NKAIN2: variants seen among roughly 807,000 people sequenced by gnomAD.
NKAIN2 encodes the protein sodium/potassium-transporting ATPase subunit beta-1-interacting protein 2.
A neutral mutation model predicts 32.6 loss-of-function variants in NKAIN2; 14 were observed. The observed-to-expected ratio is 0.43, with a 90% confidence interval of 0.28 to 0.67. The LOEUF is 0.67. Among genes scored for constraint, NKAIN2 ranks in the 30% least tolerant of loss-of-function variants. The probability of loss-of-function intolerance (pLI) is 0.17; values close to 1 mark genes in which losing one functional copy is unlikely to be tolerated. For synonymous variants in NKAIN2, 80 were observed against 87.2 expected (o/e 0.92, Z 0.46); for missense variants, 198 against 258.3 (o/e 0.77, Z 1.60).
chr6:124,574,931 C>T lies in NKAIN2; in HGVS notation c.274-83255C>T, dbSNP rs555984652. Among the ~76,000 whole-genome samples, 13 of 152,274 alleles carry T rather than the reference C, an allele frequency of 8.5e-5. No individual in the cohort carries two copies. In the South Asian group the frequency reaches 2.3e-3, roughly 27 times the overall value. On this transcript the variant is annotated intron_variant, in intron 3 of 6. Transcript: ENST00000368417. ...GGTTATACATTCATTCAGAATATCT[C>T]TCAAAGGCAGAAGGACTAGAATTTT...
chr6:124,155,127 C>CT (rs775669354), intron 1 of NKAIN2, among the ~76,000 whole-genome samples: 27 of 151,940 alleles, frequency 1.8e-4, no homozygotes, highest in Non-Finnish European at 3.7e-4. Flanking sequence ...AATGAGTTTT[C>CT]TTTTTTTATT....
At chr6:124,807,806 C>T (rs1242449890) in intron 5 of NKAIN2, among the ~76,000 whole-genome samples, 2 of 150,694 alleles carry the variant, frequency 1.3e-5, no homozygotes, top group Admixed American at 1.3e-4. Context: ...GGGGATATCA[C>T]CACTGATCCC....
intron 1 of NKAIN2, among the ~76,000 whole-genome samples, chr6:123,892,688 T>G (rs551034770): frequency 6.6e-6 from 1 of 151,888 alleles, no homozygotes; most frequent in Non-Finnish European, 1.5e-5. Flanking sequence ...ACATACTTTT[T>G]AAATATTCAT....
chr6:124,691,208 ACTGGATCACTT>A (rs1209684637), intron 4 of NKAIN2, among the ~76,000 whole-genome samples: 2 of 152,148 alleles, frequency 1.3e-5, no homozygotes, highest in Admixed American at 6.5e-5. Context: ...ATTCAACAAT[ACTGGATCACTT>A]CTGCTAAGAA....
At chr6:123,985,742 G>C (rs529243042) in intron 1 of NKAIN2, among the ~76,000 whole-genome samples, 1 of 152,142 alleles carries the variant, frequency 6.6e-6, no homozygotes, top group Non-Finnish European at 1.5e-5. Context: ...AATTGAGGGT[G>C]CAAGAGTTGC....
At chr6:124,060,831 T>G (rs879400937) in intron 1 of NKAIN2, among the ~76,000 whole-genome samples, 14 of 152,162 alleles carry the variant, frequency 9.2e-5, no homozygotes, top group African/African-American at 3.4e-4. Context: ...CACAATGTTC[T>G]TTCTGTGATA....
intron 1 of NKAIN2, among the ~76,000 whole-genome samples, chr6:124,211,635 A>G (rs145179436): frequency 2.2e-4 from 33 of 152,104 alleles, no homozygotes; most frequent in African/African-American, 7.9e-4. Context: ...GGATTTTGTG[A>G]TGTGTAATAG....
chr6:124,277,414 A>G (rs1795082130), intron 1 of NKAIN2, among the ~76,000 whole-genome samples: 1 of 147,018 alleles, frequency 6.8e-6, no homozygotes, highest in African/African-American at 2.6e-5. Flanking sequence ...CCCTAGTAGT[A>G]TGTGTCTGTG....
chr6:124,351,075 A>G (rs1798704663), intron 2 of NKAIN2, among the ~76,000 whole-genome samples: 1 of 152,238 alleles, frequency 6.6e-6, no homozygotes, highest in Non-Finnish European at 1.5e-5. Flanking sequence ...TATGTGTTGC[A>G]CTAAGTTAGA....
intron 3 of NKAIN2, among the ~76,000 whole-genome samples, chr6:124,595,906 A>T (rs910149229): frequency 6.6e-6 from 1 of 152,140 alleles, no homozygotes; most frequent in Non-Finnish European, 1.5e-5. Flanking sequence ...AGTAAGGCCA[A>T]ACTGATTTGG....
chr6:124,777,783 G>A (rs1287865302), intron 4 of NKAIN2, among the ~76,000 whole-genome samples: 2 of 152,088 alleles, frequency 1.3e-5, no homozygotes, highest in Non-Finnish European at 2.9e-5. Context: ...GAGGAAAGAG[G>A]TGAGGTATAA....
intron 1 of NKAIN2, among the ~76,000 whole-genome samples, chr6:123,808,027 G>A (rs972407156): frequency 2.6e-5 from 4 of 152,084 alleles, no homozygotes; most frequent in African/African-American, 7.2e-5. Context: ...TGTTGTGAGT[G>A]TAGACTAAAT....
At chr6:124,402,994 C>T (rs1212756518) in intron 3 of NKAIN2, among the ~76,000 whole-genome samples, 1 of 152,158 alleles carries the variant, frequency 6.6e-6, no homozygotes, top group African/African-American at 2.4e-5. Flanking sequence ...CTTGACTCTT[C>T]TTGGTCCTTG....
chr6:124,091,640 G>A (rs992462248), intron 1 of NKAIN2, among the ~76,000 whole-genome samples: 30 of 151,766 alleles, frequency 2.0e-4, no homozygotes, highest in African/African-American at 7.3e-4. Context: ...CTCTTACTGA[G>A]GAGCACCTGG....
chr6:123,822,535 T>C (rs1274916484), intron 1 of NKAIN2, among the ~76,000 whole-genome samples: 1 of 152,156 alleles, frequency 6.6e-6, no homozygotes, highest in Non-Finnish European at 1.5e-5. Context: ...GTCGGTCTAG[T>C]TGAGTATTAA....
At chr6:124,456,075 G>A (rs1776310938) in intron 3 of NKAIN2, among the ~76,000 whole-genome samples, 1 of 151,420 alleles carries the variant, frequency 6.6e-6, no homozygotes, top group Admixed American at 6.6e-5. Context: ...ACCTATACTT[G>A]CACACACATC....
chr6:124,499,578 G>A (rs1778202918), intron 3 of NKAIN2, among the ~76,000 whole-genome samples: 1 of 152,068 alleles, frequency 6.6e-6, no homozygotes, highest in African/African-American at 2.4e-5. Context: ...GTAGGTGAAG[G>A]GTAGAACCAC....
chr6:124,809,795 C>G (rs570869660), intron 5 of NKAIN2, among the ~76,000 whole-genome samples: 3,938 of 152,054 alleles, frequency 0.026, 141 homozygotes, highest in African/African-American at 0.091. Flanking sequence ...AAGAAAAAAA[C>G]AAACAACCCC....
intron 3 of NKAIN2, among the ~76,000 whole-genome samples, chr6:124,582,609 T>C (rs996558665): frequency 1.3e-5 from 2 of 152,160 alleles, no homozygotes; most frequent in African/African-American, 4.8e-5. Flanking sequence ...AAACTCATTC[T>C]ACAAGGCTAG....
Sources: allele counts gnomAD v4.1 joint callset (sites outside exome capture counted in the v4.1 genomes callset), GRCh38; gene constraint gnomAD v4.1.1; transcripts MANE v1.5; gene names NCBI Gene and HGNC (gene_info 2026-07-23, HGNC 2026-07-21).